NOTCH4: variants seen among roughly 807,000 people sequenced by gnomAD.
NOTCH4 encodes neurogenic locus notch homolog protein 4.
Under a neutral mutation model 189.0 loss-of-function variants are expected in NOTCH4, and 138 were observed. The observed-to-expected ratio is 0.73, with a 90% CI of 0.64 to 0.84. The LOEUF (loss-of-function observed/expected upper bound fraction) is 0.84. NOTCH4 is among the 40% of genes least tolerant of loss of function. The pLI is 0.00. For missense variants in NOTCH4, 2,286 were observed against 2,605.4 expected (o/e 0.88, Z 2.67); for synonymous variants, 942 against 1,032.8 (o/e 0.91, Z 1.69).
Position 32,201,485 on chromosome 6 carries a change from C to CT in NOTCH4, c.3770dup (p.Tyr1258ValfsTer4). 1 of 1,512,782 alleles carries CT rather than the reference C, an allele frequency of 6.6e-7. No individual in the cohort carries two copies. The highest frequency in any genetic ancestry group is 1.3e-5 in the South Asian group (1 of 74,570). The allele number at this position is 1,512,782 out of a possible 1,614,324, so 93.7% of individuals were successfully genotyped here. ...CGTTGTGGAAGTGATCATGGCAGTA[C>CT]TGGTCATAGGCTGGACTGTGGGGTA... On this transcript the variant is annotated frameshift_variant, in exon 22 of 30. Coordinates refer to ENST00000375023, the MANE Select transcript of NOTCH4 (RefSeq NM_004557.4). LOFTEE classifies it high-confidence loss of function. The surrounding 1 kb of genome is among the most constrained non-coding windows in gnomAD (Gnocchi z 5.5).
rs769779477 is a variant in NOTCH4, at chr6:32,219,754, C to T, written c.1348G>A (p.Gly450Ser). 12 of 1,612,788 alleles carry T rather than the reference C, an allele frequency of 7.4e-6. No homozygotes were observed. Among genetic ancestry groups the T allele is most frequent in the South Asian group, 3.3e-5 (3 of 91,036 alleles). The change falls in exon 8 of 30, where the codon GGT (glycine) becomes AGT (serine). Residue 450 changes from glycine to serine, a missense_variant. By Grantham distance (56) the Gly-to-Ser change is moderately conservative (BLOSUM62 0). Around this residue, in one of 2 missense-constraint regions of NOTCH4, gnomAD observed 1,903 missense variants for 2,261.9 expected, o/e 0.84. Coordinates refer to ENST00000375023, the MANE Select transcript of NOTCH4 (RefSeq NM_004557.4). The part of the protein sequence containing the change: ...QQGPSPCEHG[G>S]SCLNTPGSFN... ...GAGCCAGGAGTGTTGAGGCAGGAACCGCCATGTTCACAGGGACTTGGGCCT... is the reference window on the plus strand; with the variant it reads ...GAGCCAGGAGTGTTGAGGCAGGAACTGCCATGTTCACAGGGACTTGGGCCT...
Position 32,212,674 on chromosome 6 carries a change from C to T in NOTCH4, c.2527-47G>A, listed in dbSNP as rs754429733. On this transcript the variant is annotated intron_variant, in intron 16 of 29. Transcript: ENST00000375023. The surrounding 1 kb of genome is among the most constrained non-coding windows in gnomAD (Gnocchi z 4.4). ...GAGGCAGGACATAGCATCAGATTCT[C>T]AGCCCAGAGATGGTCCTCTGCCCAC... 3.8e-6 allele frequency: 6 copies of T among 1,578,024 alleles called. No individual in the cohort carries two copies. The highest frequency in any genetic ancestry group is 1.8e-5 in the Admixed American group (1 of 56,976).
Position 32,201,423 on chromosome 6 carries a change from C to A in NOTCH4, c.3833G>T (p.Gly1278Val). The A allele has an allele frequency of 6.4e-7, 1 of 1,555,160 alleles. No homozygotes were observed. Among genetic ancestry groups the A allele is most frequent in the South Asian group, 1.2e-5 (1 of 80,774 alleles). Residue 1278 changes from glycine to valine, a missense_variant, in exon 22 of 30, where the codon GGC (glycine) becomes GTC (valine). Physicochemically the swap from Gly to Val is moderately radical, Grantham distance 109. Transcript: ENST00000375023. The surrounding 1 kb of genome is among the most constrained non-coding windows in gnomAD (Gnocchi z 5.5). ...CEKGCNTAEC[G>V]WDGGDCRPED... ...AGGCCTGCAGTCACCTCCATCCCAG[C>A]CACACTCTGCAGTGTTGCAGCCTTT...
chr6:32,215,907 T>C (rs1201012891), intron 11 of NOTCH4: 1 of 153,000 alleles, frequency 6.5e-6, no homozygotes. Context: ...CAGGCTGGAG[T>C]GCAGTGGAGT....
rs778244594 is a variant in NOTCH4, at chr6:32,199,067, A to C, written c.4394T>G (p.Leu1465Arg). ...ACGCCGGATGAGCTGGAGGACGAGA[A>C]GAGCCCCTAGGGCCAGGAGAATCAC... is the stretch of plus-strand genomic sequence containing the variant. Reference protein sequence around the residue: ...AGVILLALGALLVLQLIRRRR... With the variant: ...AGVILLALGARLVLQLIRRRR... The change falls in exon 24 of 30, where the codon CTT (leucine) becomes CGT (arginine). Residue 1465 changes from leucine to arginine, a missense_variant. Around this residue, in one of 2 missense-constraint regions of NOTCH4, gnomAD observed 1,903 missense variants for 2,261.9 expected, o/e 0.84. Coordinates refer to ENST00000375023, the MANE Select transcript of NOTCH4 (RefSeq NM_004557.4). This position sits in a 1 kb window ranked among gnomAD's most constrained non-coding sequence, Gnocchi z 4.9. 1.2e-6 allele frequency: 2 copies of C among 1,612,728 alleles called. No homozygotes were observed. Among genetic ancestry groups the C allele is most frequent in the Non-Finnish European group, 1.7e-6 (2 of 1,179,872 alleles).
chr6:32,222,931 A>T, intron 2 of NOTCH4, 74 bp downstream of exon 2: 6 of 1,549,718 alleles, frequency 3.9e-6, no homozygotes, highest in Non-Finnish European at 5.3e-6. Context: ...CTTTGGTCTC[A>T]CTTCCTCACC....
chr6:32,223,693 G>T (rs1047326353), intron 1 of NOTCH4, among the ~76,000 whole-genome samples, 163 bp downstream of exon 1: 3 of 151,992 alleles, frequency 2.0e-5, no homozygotes, highest in African/African-American at 7.3e-5. Flanking sequence ...GCAGCTCCAT[G>T]GGCAGAGCCG....
rs530257439 is a variant in NOTCH4 at position 32,210,726 on chromosome 6, C to T, written c.2865+26G>A. ...CATCCAGCCCACCCTTGTCTTTCCT[C>T]CCCCTTCTCCTGCAGACCCTCTCAC... On this transcript the variant is annotated intron_variant, in intron 18 of 29. Transcript: ENST00000375023. This position sits in a 1 kb window ranked among gnomAD's most constrained non-coding sequence, Gnocchi z 4.8. 53 of 1,609,246 alleles carry T rather than the reference C, an allele frequency of 3.3e-5. No homozygotes were observed. In the South Asian group the frequency reaches 4.9e-4, roughly 15 times the overall value.
chr6:32,217,223 TC>T lies in NOTCH4; in HGVS notation c.1667del (p.Arg556LysfsTer39). ...TRCEEDIDEC[R>X]SSPCANGGQC... is the part of the protein sequence containing the mutation. ...GCCCACCATTGGCACAGGGAGAGCT[TC>T]TGCACTCATCGATATCCTCCTCACA... is the stretch of plus-strand genomic sequence containing the variant. On this transcript the variant is annotated frameshift_variant, in exon 10 of 30. Coordinates refer to ENST00000375023, the MANE Select transcript of NOTCH4 (RefSeq NM_004557.4). LOFTEE classifies it high-confidence loss of function. This position sits in a 1 kb window ranked among gnomAD's most constrained non-coding sequence, Gnocchi z 4.2. 1 of 1,613,036 alleles carries T rather than the reference TC, an allele frequency of 6.2e-7. No homozygotes were observed. The highest frequency in any genetic ancestry group is 8.5e-7 in the Non-Finnish European group (1 of 1,180,012).
intron 8 of NOTCH4, among the ~76,000 whole-genome samples, chr6:32,218,603 G>C (rs1789562880): frequency 6.6e-6 from 1 of 152,188 alleles, no homozygotes; most frequent in Non-Finnish European, 1.5e-5. Context: ...GGTCTCCACT[G>C]TTTCATCCTG....
At position 32,198,991 on chromosome 6, in the gene NOTCH4, C is replaced by G. The variant is rs760522084; in HGVS notation, c.4470G>C (p.Arg1490=). The G allele has an allele frequency of 6.2e-7, 1 of 1,611,176 alleles. No individual in the cohort carries two copies. The highest frequency in any genetic ancestry group is 1.7e-5 in the Admixed American group (1 of 59,794). ...ALWLPPGFTR[R]PRTQSAPHRR... ...GGTGGGGAGCTGACTGAGTCCGAGG[C>G]CGTCGAGTGAAACCAGGGGGCAGCC... Residue 1490 remains arginine, a synonymous_variant, in exon 24 of 30, where the codon CGG becomes CGC. Transcript: ENST00000375023. The surrounding 1 kb of genome is among the most constrained non-coding windows in gnomAD (Gnocchi z 5.5).
chr6:32,196,211 T>C (rs778067779), intron 29 of NOTCH4, 61 bp from the exon 30 acceptor site: 1 of 1,603,854 alleles, frequency 6.2e-7, no homozygotes, highest in Non-Finnish European at 8.5e-7. Context: ...TGGGCCTTTC[T>C]GCCTTCACTT....
chr6:32,220,490 GT>G lies in NOTCH4; in HGVS notation c.1073del (p.Asp358AlafsTer40). ...CCGGGGCACAGGTGGCAGCAATACA[GT>G]CATCCAGGTTCTCCTCACAGCTTGT... Reference protein sequence around the residue: ...GGTSCEENLDDCIAATCAPGS... With the variant: ...GGTSCEENLDXCIAATCAPGS... On this transcript the variant is annotated frameshift_variant, in exon 6 of 30. Coordinates refer to ENST00000375023, the MANE Select transcript of NOTCH4 (RefSeq NM_004557.4). LOFTEE classifies it high-confidence loss of function. The G allele has an allele frequency of 6.2e-7, 1 of 1,613,646 alleles. No homozygotes were observed. Among genetic ancestry groups the G allele is most frequent in the Non-Finnish European group, 8.5e-7 (1 of 1,180,030 alleles).
rs766387315 is a variant in NOTCH4 at position 32,202,393 on chromosome 6, G to A, written c.3438C>T (p.Cys1146=). The A allele has an allele frequency of 1.2e-6, 2 of 1,612,618 alleles. No individual in the cohort carries two copies. The highest frequency in any genetic ancestry group is 1.7e-6 in the Non-Finnish European group (2 of 1,179,890). The change falls in exon 21 of 30, where the codon TGC becomes TGT. Residue 1146 remains cysteine, a synonymous_variant. Transcript: ENST00000375023. The surrounding 1 kb of genome is among the most constrained non-coding windows in gnomAD (Gnocchi z 5.7). ...PPSPCLYNGS[C]SETTGLGGPG... is the part of the protein sequence containing the mutation. ...GGCCCCCCAAGCCCGTGGTCTCTGA[G>A]CAGCTGCCATTGTATAGGCATGGGG...
Position 32,212,731 on chromosome 6 carries a change from CCTT to C in NOTCH4, c.2526+90_2526+92del, listed in dbSNP as rs1789103924. 2 of 1,488,936 alleles carry C rather than the reference CCTT, an allele frequency of 1.3e-6. No individual in the cohort carries two copies. Among genetic ancestry groups the C allele is most frequent in the Middle Eastern group, 2.0e-4 (1 of 4,970 alleles). The allele number at this position is 1,488,936 out of a possible 1,614,324, so 92.2% of individuals were successfully genotyped here. A position where few individuals can be genotyped will look rare whatever the true frequency, so the allele number is the denominator to read the frequency against. ...TCCTCGAAATCCCTTACTTCAAAAACCTTCTCCTGAATGGCCTGGGACCAGGTG... is the reference window on the plus strand; with the variant it reads ...TCCTCGAAATCCCTTACTTCAAAAACCTCCTGAATGGCCTGGGACCAGGTG... On this transcript the variant is annotated intron_variant, in intron 16 of 29. Transcript: ENST00000375023. This position sits in a 1 kb window ranked among gnomAD's most constrained non-coding sequence, Gnocchi z 4.4.
rs965381173 is a variant in NOTCH4, at chr6:32,199,659, G to A, written c.4316-514C>T. Among the ~76,000 whole-genome samples, 1 of 152,058 alleles carries A rather than the reference G, an allele frequency of 6.6e-6. No homozygotes were observed. Among genetic ancestry groups the A allele is most frequent in the East Asian group, 1.9e-4 (1 of 5,196 alleles). On this transcript the variant is annotated intron_variant, in intron 23 of 29. Transcript: ENST00000375023. The surrounding 1 kb of genome is among the most constrained non-coding windows in gnomAD (Gnocchi z 4.9). ...GTGGAGCTTGCAGTGAGCCGAGATC[G>A]CGCCACTGCACTCCGGCCTGGGCGA...
chr6:32,218,111 G>A lies in NOTCH4; in HGVS notation c.1511-3C>T. The A allele has an allele frequency of 1.3e-6, 2 of 1,582,734 alleles. No individual in the cohort carries two copies. The highest frequency in any genetic ancestry group is 1.7e-6 in the Non-Finnish European group (2 of 1,154,526). Reference sequence around the variant, plus strand: ...CTCACAGAGCTGCCCTTCTAAGCCTGGGGACATGGGGACCATGAGGGCTGT... The same window carrying A: ...CTCACAGAGCTGCCCTTCTAAGCCTAGGGACATGGGGACCATGAGGGCTGT... On this transcript the variant is annotated splice_polypyrimidine_tract_variant and splice_region_variant and intron_variant, in intron 8 of 29. Coordinates refer to ENST00000375023, the MANE Select transcript of NOTCH4 (RefSeq NM_004557.4).
At chr6:32,216,761 G>C in intron 11 of NOTCH4, 184 bp downstream of exon 11, 1 of 754,860 alleles carries the variant, frequency 1.3e-6, no homozygotes. Context: ...TGGGCCCTAC[G>C]GTAACCCCTG....
At position 32,202,909 on chromosome 6, in the gene NOTCH4, T is replaced by C. The variant is rs762277882; in HGVS notation, c.3232-310A>G. On this transcript the variant is annotated intron_variant, in intron 20 of 29. Coordinates refer to ENST00000375023, the MANE Select transcript of NOTCH4 (RefSeq NM_004557.4). This position sits in a 1 kb window ranked among gnomAD's most constrained non-coding sequence, Gnocchi z 5.7. ...TTAATAGAATGCTATTATATTATTA[T>C]TATTATTATTTTTGAGACAGAGTTT... 2.5e-5 allele frequency: 6 copies of C among 243,240 alleles called. No individual in the cohort carries two copies. The highest frequency in any genetic ancestry group is 4.6e-5 in the Non-Finnish European group (6 of 129,528). 15.1% of individuals were successfully genotyped at this position (243,240 alleles called of 1,614,324 possible). A position where few individuals can be genotyped will look rare whatever the true frequency, so the allele number is the denominator to read the frequency against.
Sources: gnomAD v4.1 joint callset for allele counts (sites outside exome capture counted in the v4.1 genomes callset) on GRCh38, gnomAD v4.1.1 for gene constraint, gnomAD v4.1.1 regional missense constraint, Gnocchi (gnomAD v3.1) non-coding constraint, MANE v1.5 for transcripts, NCBI Gene and HGNC (gene_info 2026-07-23, HGNC 2026-07-21) for gene names.